The following KCNQ1 variants were observed in gnomAD, a reference collection of about 807,000 sequenced individuals.
KCNQ1 encodes potassium voltage-gated channel subfamily KQT member 1.
KCNQ1 carries 49 observed loss-of-function variants against 72.4 expected under a neutral mutation model. The observed-to-expected ratio is 0.68, with a 90% CI of 0.54 to 0.86. The LOEUF is 0.86. KCNQ1 is among the 40% of genes least tolerant of loss of function. KCNQ1 has a pLI of 0.00. For missense variants in KCNQ1, 790 were observed against 945.1 expected (o/e 0.84, Z 2.15); for synonymous variants, 450 against 412.6 (o/e 1.09, Z -1.10).
Position 2,579,070 on chromosome 11 carries a change from C to T in KCNQ1, c.922-4365C>T, listed in dbSNP as rs374259639. Among the ~76,000 whole-genome samples the T allele has an allele frequency of 1.2e-3, 183 of 152,326 alleles. No individual in the cohort carries two copies. The highest frequency in any genetic ancestry group is 4.1e-3 in the African/African-American group (170 of 41,582). On this transcript the variant is annotated intron_variant, in intron 6 of 15. Transcript: ENST00000155840. This position sits in a 1 kb window ranked among gnomAD's most constrained non-coding sequence, Gnocchi z 6.0. Reference sequence around the variant, plus strand: ...CCACCACATCTCCAGCCAGGACCACCCCTTCCTTCTGGGCAAATGACTACC... The same window carrying T: ...CCACCACATCTCCAGCCAGGACCACTCCTTCCTTCTGGGCAAATGACTACC...
chr11:2,764,622 TGTC>T lies in KCNQ1; in HGVS notation c.1515-4218_1515-4216del, dbSNP rs1394991115. ...AACATTTGGAAGAATTTACTGGTGA[TGTC>T]GTCTAGATACAGAGTTTTCTTTGCC... On this transcript the variant is annotated intron_variant, in intron 11 of 15. Transcript: ENST00000155840. This position sits in a 1 kb window ranked among gnomAD's most constrained non-coding sequence, Gnocchi z 4.8. 3.9e-5 allele frequency among the ~76,000 whole-genome samples: 6 copies of T among 152,238 alleles called. No individual in the cohort carries two copies. The highest frequency in any genetic ancestry group is 1.4e-4 in the African/African-American group (6 of 41,466).
chr11:2,456,383 A>G (rs1846191208), intron 1 of KCNQ1, among the ~76,000 whole-genome samples: 1 of 152,224 alleles, frequency 6.6e-6, no homozygotes, highest in Non-Finnish European at 1.5e-5. Flanking sequence ...TAGTCTTCTC[A>G]ATATTGGCCT....
intron 15 of KCNQ1, chr11:2,840,005 A>G (rs948021871): frequency 1.3e-5 from 2 of 152,222 alleles, no homozygotes; most frequent in African/African-American, 2.4e-5. Flanking sequence ...CGACCCTTGA[A>G]CAATGCAGGG....
chr11:2,540,435 G>C (rs1432009473), intron 2 of KCNQ1, among the ~76,000 whole-genome samples: 1 of 152,226 alleles, frequency 6.6e-6, no homozygotes, highest in African/African-American at 2.4e-5. Context: ...CCTGTTCAGG[G>C]CCAGGCCTAG....
chr11:2,540,898 T>C (rs1847812154), intron 2 of KCNQ1, among the ~76,000 whole-genome samples: 1 of 152,180 alleles, frequency 6.6e-6, no homozygotes, highest in African/African-American at 2.4e-5. Flanking sequence ...TTGGTCATGG[T>C]CAAGGTAGTT....
chr11:2,583,495 A>G lies in KCNQ1; in HGVS notation c.982A>G (p.Ile328Val). 2 of 1,614,052 alleles carry G rather than the reference A, an allele frequency of 1.2e-6. No individual in the cohort carries two copies. Among genetic ancestry groups the G allele is most frequent in the Non-Finnish European group, 1.7e-6 (2 of 1,179,990 alleles). ...KVPQTWVGKT[I>V]ASCFSVFAIS... ...GCCCCAGACGTGGGTCGGGAAGACC[A>G]TCGCCTCCTGCTTCTCTGTCTTTGC... Residue 328 changes from isoleucine to valine, a missense_variant, in exon 7 of 16, where the codon ATC becomes GTC. Transcript: ENST00000155840.
chr11:2,708,716 C>T (rs231903), intron 11 of KCNQ1, among the ~76,000 whole-genome samples: 5 of 151,538 alleles, frequency 3.3e-5, no homozygotes, highest in South Asian at 2.1e-4. Context: ...ACGCGGGTTG[C>T]GGGGGGCGGT....
At chr11:2,697,051 G>T in intron 11 of KCNQ1, 1 of 398,398 alleles carries the variant, frequency 2.5e-6, no homozygotes, top group Non-Finnish European at 4.4e-6. Flanking sequence ...TTCAGGAAAG[G>T]TCAAAAACAT....
At chr11:2,505,904 T>G (rs913624906) in intron 1 of KCNQ1, among the ~76,000 whole-genome samples, 5 of 152,238 alleles carry the variant, frequency 3.3e-5, no homozygotes, top group Admixed American at 1.3e-4. Flanking sequence ...GTAGACAGCA[T>G]GTAGCTGGAT....
chr11:2,732,998 C>T (rs1845879902), intron 11 of KCNQ1, among the ~76,000 whole-genome samples: 1 of 152,150 alleles, frequency 6.6e-6, no homozygotes, highest in South Asian at 2.1e-4. Flanking sequence ...CAGCCAGGGT[C>T]CTGGGAAGAG....
At position 2,661,922 on chromosome 11, in the gene KCNQ1, T is replaced by C. The variant is rs739502; in HGVS notation, c.1394-39T>C. ...GGCTCCACAGCACTGGCAGGTTGGGTGGGAGGCCTAACGTGCTGTCCCCAC... is the reference window on the plus strand; with the variant it reads ...GGCTCCACAGCACTGGCAGGTTGGGCGGGAGGCCTAACGTGCTGTCCCCAC... On this transcript the variant is annotated intron_variant, in intron 10 of 15. Coordinates refer to ENST00000155840, the MANE Select transcript of KCNQ1 (RefSeq NM_000218.3). This position sits in a 1 kb window ranked among gnomAD's most constrained non-coding sequence, Gnocchi z 5.9. 2 of 1,613,148 alleles carry C rather than the reference T, an allele frequency of 1.2e-6. No individual in the cohort carries two copies. Among genetic ancestry groups the C allele is most frequent in the South Asian group, 1.1e-5 (1 of 91,056 alleles).
intron 11 of KCNQ1, among the ~76,000 whole-genome samples, chr11:2,757,602 T>C (rs1846325163): frequency 1.3e-5 from 2 of 152,220 alleles, no homozygotes; most frequent in Admixed American, 1.3e-4. Context: ...AGGCACATGC[T>C]GTAGATTAAA....
At position 2,745,320 on chromosome 11, in the gene KCNQ1, G is replaced by T. The variant is rs781047023; in HGVS notation, c.1515-23524G>T. ...TTGAGTCAGGCCCTCTTGGACCTCT[G>T]TTGCCATCTTTTCCTGAAAGGGCTG... On this transcript the variant is annotated intron_variant, in intron 11 of 15. Transcript: ENST00000155840. The surrounding 1 kb of genome is among the most constrained non-coding windows in gnomAD (Gnocchi z 6.2). Among the ~76,000 whole-genome samples the T allele has an allele frequency of 1.7e-4, 26 of 152,246 alleles. No homozygotes were observed. Among genetic ancestry groups the T allele is most frequent in the South Asian group, 1.2e-3 (6 of 4,822 alleles).
chr11:2,620,091 T>C lies in KCNQ1; in HGVS notation c.1393+31237T>C, dbSNP rs1188853719. 7.5e-6 allele frequency: 3 copies of C among 398,342 alleles called. No homozygotes were observed. The highest frequency in any genetic ancestry group is 1.3e-5 in the Non-Finnish European group (3 of 226,034). 24.7% of individuals were successfully genotyped at this position (398,342 alleles called of 1,614,324 possible). ...GTTTACTCAGTGTTTAGGTCCCACTTGCAAGTGGTAACATGCAGTATTTGG... is the reference window on the plus strand; with the variant it reads ...GTTTACTCAGTGTTTAGGTCCCACTCGCAAGTGGTAACATGCAGTATTTGG... On this transcript the variant is annotated intron_variant, in intron 10 of 15. Transcript: ENST00000155840. The surrounding 1 kb of genome is among the most constrained non-coding windows in gnomAD (Gnocchi z 4.5).
chr11:2,530,921 C>T (rs1847613438), intron 2 of KCNQ1, among the ~76,000 whole-genome samples: 1 of 152,120 alleles, frequency 6.6e-6, no homozygotes, highest in Admixed American at 6.5e-5. Context: ...CTGTCCCATC[C>T]CTCACGTACT....
At position 2,748,731 on chromosome 11, in the gene KCNQ1, A is replaced by G. The variant is rs1036240114; in HGVS notation, c.1515-20113A>G. Reference sequence around the variant, plus strand: ...GCTGCTGCCCCTCCCTCTGGGCCTCAAGACCATCTGTCACGTGACAGGGGC... The same window carrying G: ...GCTGCTGCCCCTCCCTCTGGGCCTCGAGACCATCTGTCACGTGACAGGGGC... On this transcript the variant is annotated intron_variant, in intron 11 of 15. Coordinates refer to ENST00000155840, the MANE Select transcript of KCNQ1 (RefSeq NM_000218.3). This position sits in a 1 kb window ranked among gnomAD's most constrained non-coding sequence, Gnocchi z 6.2. Among the ~76,000 whole-genome samples the G allele has an allele frequency of 6.6e-6, 1 of 152,184 alleles. No homozygotes were observed. Among genetic ancestry groups the G allele is most frequent in the African/African-American group, 2.4e-5 (1 of 41,456 alleles).
chr11:2,674,706 A>G lies in KCNQ1; in HGVS notation c.1514+12625A>G, dbSNP rs553229288. 1 of 396,994 alleles carries G rather than the reference A, an allele frequency of 2.5e-6. No homozygotes were observed. The allele number at this position is 396,994 out of a possible 1,614,324, so 24.6% of individuals were successfully genotyped here. On this transcript the variant is annotated intron_variant, in intron 11 of 15. Transcript: ENST00000155840. The surrounding 1 kb of genome is among the most constrained non-coding windows in gnomAD (Gnocchi z 5.9). ...GTTGAACCTTAAACCTTTCCTGATG[A>G]CTCCTTCCTTCTGAACTTAACTCGT...
intron 11 of KCNQ1, among the ~76,000 whole-genome samples, chr11:2,717,848 C>T (rs1033109169): frequency 6.6e-6 from 1 of 152,150 alleles, no homozygotes; most frequent in Non-Finnish European, 1.5e-5. Flanking sequence ...CAGAGGAACC[C>T]CCTCTCCCCC....
chr11:2,504,521 C>T (rs541318251), intron 1 of KCNQ1, among the ~76,000 whole-genome samples: 19 of 152,206 alleles, frequency 1.2e-4, no homozygotes, highest in South Asian at 1.0e-3. Flanking sequence ...TTTGGGAGGC[C>T]GAGTCATATG....
Sources: gnomAD v4.1 joint callset for allele counts (sites outside exome capture counted in the v4.1 genomes callset) on GRCh38, gnomAD v4.1.1 for gene constraint, Gnocchi (gnomAD v3.1) non-coding constraint, MANE v1.5 for transcripts, NCBI Gene and HGNC (gene_info 2026-07-23, HGNC 2026-07-21) for gene names.